Variants in COX15 observed in about 807,000 individuals in gnomAD.
The protein encoded by COX15 is heme A synthase COX15.
In COX15, 51 loss-of-function variants were observed where a neutral mutation model predicts 51.9. The observed-to-expected ratio is 0.98, with a 90% CI of 0.78 to 1.24. COX15 has a LOEUF of 1.24. Among genes scored for constraint, COX15 ranks in the 50% most tolerant of loss-of-function variants. The pLI is 0.00. For synonymous variants in COX15, 188 were observed against 190.5 expected (o/e 0.99, Z 0.11); for missense variants, 420 against 501.1 (o/e 0.84, Z 1.55).
chr10:99,727,040 A>G lies in COX15; in HGVS notation c.510T>C (p.Phe170=). 2 of 1,614,188 alleles carry G rather than the reference A, an allele frequency of 1.2e-6. No homozygotes were observed. Among genetic ancestry groups the G allele is most frequent in the Non-Finnish European group, 1.7e-6 (2 of 1,180,040 alleles). Residue 170 remains phenylalanine (F), a synonymous_variant, in exon 4 of 9, where the codon TTT becomes TTC. Transcript: ENST00000016171. ...CACGGCTGAGCCAGCCCTTTCTCCA[A>G]AAGTAGGCAGCAGGCAGGATGTACA... ...GLVYILPAAY[F]WRKGWLSRGM...
Position 99,711,294 on chromosome 10 carries a change from T to C in COX15, c.*3293A>G, listed in dbSNP as rs2036375834. On this transcript the variant is annotated 3_prime_UTR_variant, in exon 9 of 9. Coordinates refer to ENST00000016171, the MANE Select transcript of COX15 (RefSeq NM_078470.6). ...AGGCAACTGTAGAAGCATTAATATATGGTTCTTTGGGTTGGGTCATACTGC... is the reference window on the plus strand; with the variant it reads ...AGGCAACTGTAGAAGCATTAATATACGGTTCTTTGGGTTGGGTCATACTGC... The C allele has an allele frequency of 1.0e-6, 1 of 985,340 alleles. No individual in the cohort carries two copies. 61.0% of individuals were successfully genotyped at this position (985,340 alleles called of 1,614,324 possible).
the COX15 span, chr10:99,701,083 A>G: frequency 3.6e-5 from 57 of 1,576,656 alleles, 1 homozygote; most frequent in South Asian, 6.0e-4. Context: ...TTTCCTCCTT[A>G]GATGTGGACT....
chr10:99,725,944 C>T (rs1253024856), intron 4 of COX15, among the ~76,000 whole-genome samples: 2 of 152,154 alleles, frequency 1.3e-5, no homozygotes, highest in African/African-American at 4.8e-5. Context: ...CTTTGATGCC[C>T]TGATAATCTC....
the COX15 span, chr10:99,701,032 A>G: frequency 6.2e-7 from 1 of 1,614,108 alleles, no homozygotes; most frequent in Non-Finnish European, 8.5e-7. Flanking sequence ...GCCTCTTTTC[A>G]TCACATGCAG....
downstream of COX15, chr10:99,709,401 T>C: frequency 1.0e-6 from 1 of 985,424 alleles, no homozygotes; most frequent in Non-Finnish European, 1.2e-6. Context: ...ATTAGTCTCT[T>C]AGGGACGCTA....
chr10:99,731,809 T>A (rs1446196523), intron 1 of COX15, 151 bp downstream of exon 1: 12 of 986,974 alleles, frequency 1.2e-5, no homozygotes, highest in Non-Finnish European at 1.8e-5. Flanking sequence ...ATGTTCCAGA[T>A]CTGAACCTAG....
chr10:99,699,690 G>A, the COX15 span, among the ~76,000 whole-genome samples: 31 of 152,002 alleles, frequency 2.0e-4, no homozygotes, highest in Non-Finnish European at 2.9e-5. Flanking sequence ...TCAGCCTCCC[G>A]AGTAGCTGGG....
At chr10:99,702,612 G>C in the COX15 span, 12 of 1,613,746 alleles carry the variant, frequency 7.4e-6, no homozygotes, top group South Asian at 1.1e-4. Context: ...GCTGGTGTAT[G>C]ACCGAGAGGT....
In COX15 at chr10:99,712,979, T is replaced by C. The variant is rs1376498303; in HGVS notation, c.*1608A>G. 8 of 1,008,090 alleles carry C rather than the reference T, an allele frequency of 7.9e-6. No homozygotes were observed. Among genetic ancestry groups the C allele is most frequent in the South Asian group, 3.4e-5 (1 of 29,338 alleles). 62.4% of individuals were successfully genotyped at this position (1,008,090 alleles called of 1,614,324 possible). A position where few individuals can be genotyped will look rare whatever the true frequency, so the allele number is the denominator to read the frequency against. ...TAAATATCCCTAGTTCCTTCACCTA[T>C]TCCCTGTGTGACAGGGGTTCTGGAC... On this transcript the variant is annotated 3_prime_UTR_variant, in exon 9 of 9. Coordinates refer to ENST00000016171, the MANE Select transcript of COX15 (RefSeq NM_078470.6).
At chr10:99,718,121 G>A (rs536748452) in intron 7 of COX15, among the ~76,000 whole-genome samples, 160 of 148,436 alleles carry the variant, frequency 1.1e-3, no homozygotes, top group Non-Finnish European at 1.8e-3. Flanking sequence ...AGCTGGCAAC[G>A]TCCTGAAAGC....
chr10:99,700,478 C>G, the COX15 span, among the ~76,000 whole-genome samples: 12 of 151,044 alleles, frequency 7.9e-5, no homozygotes, highest in Non-Finnish European at 1.2e-4. Context: ...AGAATGTAAG[C>G]TTCCTGAGGA....
the COX15 span, chr10:99,695,813 A>C: frequency 1.4e-6 from 1 of 722,310 alleles, no homozygotes; most frequent in Non-Finnish European, 2.1e-6. Context: ...CTTTGTTTAA[A>C]ATAATGCTAT....
chr10:99,731,874 G>T, intron 1 of COX15, 86 bp downstream of exon 1: 1 of 1,520,502 alleles, frequency 6.6e-7, no homozygotes, highest in East Asian at 2.5e-5. Flanking sequence ...CTCCGGAAAC[G>T]TGATGTGGGG....
intron 4 of COX15, among the ~76,000 whole-genome samples, chr10:99,724,695 T>C (rs995010113): frequency 8.6e-5 from 13 of 150,828 alleles, no homozygotes; most frequent in African/African-American, 2.9e-4. Context: ...TCTTGGGCCA[T>C]GCATAAAATA....
At chr10:99,694,855 G>A in the COX15 span, among the ~76,000 whole-genome samples, 22 of 152,156 alleles carry the variant, frequency 1.4e-4, no homozygotes, top group African/African-American at 5.3e-4. Context: ...GGATCTCTTG[G>A]TATGTACCTT....
the COX15 span, among the ~76,000 whole-genome samples, chr10:99,700,239 AT>A: frequency 6.6e-6 from 1 of 151,964 alleles, no homozygotes; most frequent in Non-Finnish European, 1.5e-5. Context: ...GGTAAAAGCG[AT>A]TTTTTTCCCT....
At chr10:99,728,147 C>T (rs2037022798) in intron 2 of COX15, among the ~76,000 whole-genome samples, 5 of 152,122 alleles carry the variant, frequency 3.3e-5, no homozygotes, top group Admixed American at 3.3e-4. Flanking sequence ...AGGCCTGAGG[C>T]AAGAAATGCA....
the COX15 span, chr10:99,700,771 A>G: frequency 1.1e-5 from 7 of 609,738 alleles, no homozygotes; most frequent in African/African-American, 1.8e-5. Flanking sequence ...AGCCACATCA[A>G]GCTGGCTTGG....
the COX15 span, chr10:99,698,592 C>G: frequency 6.2e-7 from 1 of 1,614,146 alleles, no homozygotes; most frequent in South Asian, 1.1e-5. Context: ...TCCCTGCCTG[C>G]CAGTGGGACT....
Sources: allele counts gnomAD v4.1 joint callset (sites outside exome capture counted in the v4.1 genomes callset), GRCh38; gene constraint gnomAD v4.1.1; transcripts MANE v1.5; gene names NCBI Gene and HGNC (gene_info 2026-07-23, HGNC 2026-07-21).